Variants in SMAD3 observed in about 807,000 individuals in gnomAD.
SMAD3 encodes SMAD family member 3, also known as MAD homolog 3.
A neutral mutation model predicts 51.8 loss-of-function variants in SMAD3; 12 were observed. The observed-to-expected ratio is 0.23, with a 90% CI of 0.15 to 0.38. SMAD3 has a LOEUF of 0.38. Among genes scored for constraint, SMAD3 ranks in the 10% least tolerant of loss-of-function variants. The pLI is 1.00. For missense variants in SMAD3, 294 were observed against 565.6 expected, an observed-to-expected ratio of 0.52 and a Z score of 4.87; for synonymous variants, 238 against 227.7, an observed-to-expected ratio of 1.05 and a Z score of -0.41.
chr15:67,116,443 GATCC>G (rs1042292189), intron 1 of SMAD3, among the ~76,000 whole-genome samples: 5 of 152,174 alleles, frequency 3.3e-5, no homozygotes, highest in Admixed American at 6.5e-5. Context: ...TTGAATCTTG[GATCC>G]ATCTCGGGCA....
At chr15:67,176,670 T>C (rs1289272756) in intron 5 of SMAD3, among the ~76,000 whole-genome samples, 1 of 152,246 alleles carries the variant, frequency 6.6e-6, no homozygotes, top group Non-Finnish European at 1.5e-5. Context: ...CTGTGCCAGC[T>C]TGGAACAGGA....
In SMAD3 at chr15:67,193,294, C is replaced by T; in HGVS notation, c.*2758C>T. ...CTAGTCAACACGACCGCGTGTGTTG[C>T]CCCTGCCCTGGGCTCCCCGCCATGA... On this transcript the variant is annotated 3_prime_UTR_variant, in exon 9 of 9. Transcript: ENST00000327367. 1 of 233,458 alleles carries T rather than the reference C, an allele frequency of 4.3e-6. No homozygotes were observed. Among genetic ancestry groups the T allele is most frequent in the Non-Finnish European group, 8.5e-6 (1 of 118,066 alleles). The allele number at this position is 233,458 out of a possible 1,614,324, so 14.5% of individuals were successfully genotyped here. A position where few individuals can be genotyped will look rare whatever the true frequency, so the allele number is the denominator to read the frequency against.
At chr15:67,154,222 G>C (rs1311723224) in intron 1 of SMAD3, among the ~76,000 whole-genome samples, 2 of 152,168 alleles carry the variant, frequency 1.3e-5, no homozygotes, top group Non-Finnish European at 2.9e-5. Context: ...TGGCATAGGG[G>C]GCTGCAGCCT....
intron 5 of SMAD3, among the ~76,000 whole-genome samples, chr15:67,173,745 A>G (rs1962815001): frequency 6.6e-6 from 1 of 152,242 alleles, no homozygotes; most frequent in Admixed American, 6.5e-5. Context: ...AAAACAAAAC[A>G]AAACAAAAAC....
At chr15:67,171,541 G>C (rs1473873142) in intron 5 of SMAD3, among the ~76,000 whole-genome samples, 4 of 152,188 alleles carry the variant, frequency 2.6e-5, no homozygotes, top group Non-Finnish European at 5.9e-5. Flanking sequence ...CTTTATTGCT[G>C]AGGCTTAATT....
chr15:67,142,122 C>T (rs1961842608), intron 1 of SMAD3, among the ~76,000 whole-genome samples: 1 of 151,780 alleles, frequency 6.6e-6, no homozygotes, highest in African/African-American at 2.4e-5. Flanking sequence ...ATCCCCCGCT[C>T]TTTTACCCCC....
Position 67,131,942 on chromosome 15 carries a change from C to T in SMAD3, c.207-32953C>T, listed in dbSNP as rs78088623. 9.6e-3 allele frequency among the ~76,000 whole-genome samples: 1,462 copies of T among 152,248 alleles called. 20 individuals are homozygous for T. Among genetic ancestry groups the T allele is most frequent in the African/African-American group, 0.033 (1,386 of 41,540 alleles). On this transcript the variant is annotated intron_variant, in intron 1 of 8. Coordinates refer to ENST00000327367, the MANE Select transcript of SMAD3 (RefSeq NM_005902.4). Reference sequence around the variant, plus strand: ...CCAGTGTGTGTGAACCTTGTGAAAACATCTCTGTCTGTTCCTCCAATCTCC... The same window carrying T: ...CCAGTGTGTGTGAACCTTGTGAAAATATCTCTGTCTGTTCCTCCAATCTCC...
intron 1 of SMAD3, among the ~76,000 whole-genome samples, chr15:67,094,238 G>A (rs1369894485): frequency 6.6e-6 from 1 of 152,200 alleles, no homozygotes; most frequent in Non-Finnish European, 1.5e-5. Context: ...GTTCCCCTAC[G>A]CTTAGGGCTG....
chr15:67,116,207 T>A (rs2140238975), intron 1 of SMAD3, among the ~76,000 whole-genome samples: 1 of 152,328 alleles, frequency 6.6e-6, no homozygotes, highest in South Asian at 2.1e-4. Context: ...AGCTCCCAGA[T>A]AAACCAGCGC....
chr15:67,195,074 T>C lies in SMAD3; in HGVS notation c.*4538T>C, dbSNP rs1963468862. The C allele has an allele frequency of 4.3e-6, 1 of 233,436 alleles. No homozygotes were observed. Among genetic ancestry groups the C allele is most frequent in the South Asian group, 1.8e-4 (1 of 5,532 alleles). The allele number at this position is 233,436 out of a possible 1,614,324, so 14.5% of individuals were successfully genotyped here. A position where few individuals can be genotyped will look rare whatever the true frequency, so the allele number is the denominator to read the frequency against. On this transcript the variant is annotated 3_prime_UTR_variant, in exon 9 of 9. Transcript: ENST00000327367. Reference sequence around the variant, plus strand: ...TTTTATATCTTAAAAGCAGAGCACCTGTTTAAGCATTGTACCCCTATTGTT... The same window carrying C: ...TTTTATATCTTAAAAGCAGAGCACCCGTTTAAGCATTGTACCCCTATTGTT...
At chr15:67,095,722 G>A (rs1483147789) in intron 1 of SMAD3, among the ~76,000 whole-genome samples, 3 of 152,020 alleles carry the variant, frequency 2.0e-5, no homozygotes, top group Non-Finnish European at 4.4e-5. Context: ...TTTAGTAGAC[G>A]TGGGGTTTCA....
intron 1 of SMAD3, among the ~76,000 whole-genome samples, chr15:67,154,342 T>G (rs917520777): frequency 6.6e-6 from 1 of 152,238 alleles, no homozygotes; most frequent in African/African-American, 2.4e-5. Context: ...TGGAAATGTT[T>G]TAGTGACTGG....
intron 1 of SMAD3, among the ~76,000 whole-genome samples, chr15:67,126,476 G>A (rs1401468745): frequency 6.6e-6 from 1 of 152,184 alleles, no homozygotes; most frequent in Non-Finnish European, 1.5e-5. Context: ...TTTTAAACAT[G>A]CTTTGCAGTG....
At chr15:67,141,492 A>G (rs1412982705) in intron 1 of SMAD3, among the ~76,000 whole-genome samples, 1 of 152,156 alleles carries the variant, frequency 6.6e-6, no homozygotes, top group Non-Finnish European at 1.5e-5. Context: ...AGCTTAACCC[A>G]GCAGTAGTCC....
chr15:67,092,455 A>G (rs888288466), intron 1 of SMAD3, among the ~76,000 whole-genome samples: 3 of 152,212 alleles, frequency 2.0e-5, no homozygotes, highest in African/African-American at 7.2e-5. Flanking sequence ...CAGCATCACC[A>G]GGGAACTTAC....
intron 1 of SMAD3, among the ~76,000 whole-genome samples, chr15:67,089,142 A>G (rs1257430639): frequency 6.6e-6 from 1 of 152,108 alleles, no homozygotes; most frequent in African/African-American, 2.4e-5. Context: ...GTGGGCCTTT[A>G]AAAAAGGGGT....
chr15:67,142,268 C>T (rs759731122), intron 1 of SMAD3, among the ~76,000 whole-genome samples: 4 of 143,676 alleles, frequency 2.8e-5, no homozygotes, highest in Admixed American at 7.8e-5. Context: ...TTTTTTCCCC[C>T]GTACACTTGG....
chr15:67,165,269 G>C lies in SMAD3; in HGVS notation c.417G>C (p.Leu139Phe), dbSNP rs775315777. The C allele has an allele frequency of 6.2e-7, 1 of 1,614,196 alleles. No individual in the cohort carries two copies. The highest frequency in any genetic ancestry group is 8.5e-7 in the Non-Finnish European group (1 of 1,180,030). ...CCCGGACAGTTCTACCTCCTGTGTT[G>C]GTGCCACGCCACACAGAGATCCCGG... is the stretch of plus-strand genomic sequence containing the variant. ...RVETPVLPPV[L>F]VPRHTEIPAE... The change falls in exon 3 of 9, where the codon TTG (leucine) becomes TTC (phenylalanine). Residue 139 changes from leucine (L) to phenylalanine (F), a missense_variant. This residue lies in a region of SMAD3 where 147 missense variants were observed against 260.9 expected (regional missense o/e 0.56). Coordinates refer to ENST00000327367, the MANE Select transcript of SMAD3 (RefSeq NM_005902.4).
At chr15:67,078,701 A>G (rs1345976057) in intron 1 of SMAD3, among the ~76,000 whole-genome samples, 3 of 152,128 alleles carry the variant, frequency 2.0e-5, no homozygotes, top group Non-Finnish European at 4.4e-5. Flanking sequence ...GTTTTTGAAA[A>G]CATTGCTAGA....
Sources: gnomAD v4.1 joint callset for allele counts (sites outside exome capture counted in the v4.1 genomes callset) on GRCh38, gnomAD v4.1.1 for gene constraint, gnomAD v4.1.1 regional missense constraint, MANE v1.5 for transcripts, NCBI Gene and HGNC (gene_info 2026-07-23, HGNC 2026-07-21) for gene names.